The following B3GALNT2 variants were observed in gnomAD, a reference collection of about 807,000 sequenced individuals.
B3GALNT2 encodes the protein UDP-GalNAc:beta-1,3-N-acetylgalactosaminyltransferase 2.
B3GALNT2 carries 53 observed loss-of-function variants against 61.1 expected under a neutral mutation model. The observed-to-expected ratio is 0.87, with a 90% CI of 0.70 to 1.09. The LOEUF (loss-of-function observed/expected upper bound fraction) is 1.09, where lower values mean the gene tolerates loss of function less well. Ranked by LOEUF, B3GALNT2 falls within the 50% of genes least tolerant of loss-of-function variation. The probability of loss-of-function intolerance (pLI) is 0.00; values close to 1 mark genes in which losing one functional copy is unlikely to be tolerated. For missense variants in B3GALNT2, 544 were observed against 623.0 expected (o/e 0.87, Z 1.35); for synonymous variants, 223 against 237.4 (o/e 0.94, Z 0.56).
intron 1 of B3GALNT2, among the ~76,000 whole-genome samples, chr1:235,501,360 T>G (rs1297076112): frequency 6.6e-6 from 1 of 152,218 alleles, no homozygotes; most frequent in African/African-American, 2.4e-5. Context: ...CTAAGGTGAC[T>G]CACTTACTTC....
chr1:235,454,493 TA>T (rs1379193595), intron 9 of B3GALNT2, among the ~76,000 whole-genome samples, 178 bp from the exon 10 acceptor site: 2 of 152,120 alleles, frequency 1.3e-5, no homozygotes, highest in Non-Finnish European at 2.9e-5. Context: ...GGCTGGAGTG[TA>T]GTGGTGCCAT....
At chr1:235,442,078 G>A in the B3GALNT2 span, among the ~76,000 whole-genome samples, 1 of 151,306 alleles carries the variant, frequency 6.6e-6, no homozygotes, top group South Asian at 2.1e-4. Context: ...TGTGATCTCA[G>A]CTCATTGCAA....
At chr1:235,498,207 C>CAA (rs1685416316) in intron 1 of B3GALNT2, among the ~76,000 whole-genome samples, 1 of 152,174 alleles carries the variant, frequency 6.6e-6, no homozygotes. Context: ...GAATGTTGCT[C>CAA]AAATTTCTAG....
downstream of B3GALNT2, among the ~76,000 whole-genome samples, chr1:235,443,211 AT>A (rs1482405001): frequency 2.7e-5 from 4 of 147,476 alleles, no homozygotes; most frequent in African/African-American, 9.9e-5. Flanking sequence ...CACACACACA[AT>A]TTTTTTTGAG....
At chr1:235,492,751 C>G (rs147212230) in intron 2 of B3GALNT2, among the ~76,000 whole-genome samples, 2 of 152,270 alleles carry the variant, frequency 1.3e-5, no homozygotes, top group Non-Finnish European at 2.9e-5. Context: ...GGGTGGGCTG[C>G]TATTTACTAT....
rs1028654015 is a variant in B3GALNT2, at chr1:235,449,657, C to T, written c.*549G>A. On this transcript the variant is annotated 3_prime_UTR_variant, in exon 12 of 12. Transcript: ENST00000366600. Reference sequence around the variant, plus strand: ...TCTTCAAGTTAGTTCAAGTTGCCCACTTCAGAGATCCACAAAATCTGACAT... The same window carrying T: ...TCTTCAAGTTAGTTCAAGTTGCCCATTTCAGAGATCCACAAAATCTGACAT... 1 of 152,638 alleles carries T rather than the reference C, an allele frequency of 6.6e-6. No homozygotes were observed. The highest frequency in any genetic ancestry group is 1.5e-5 in the Non-Finnish European group (1 of 68,388). 9.5% of individuals were successfully genotyped at this position (152,638 alleles called of 1,614,324 possible).
At chr1:235,480,583 A>G (rs1684511820) in intron 4 of B3GALNT2, among the ~76,000 whole-genome samples, 1 of 152,090 alleles carries the variant, frequency 6.6e-6, no homozygotes, top group African/African-American at 2.4e-5. Flanking sequence ...TCAGAAGAAA[A>G]TATAAACAAA....
At chr1:235,480,011 A>C in intron 5 of B3GALNT2, 43 bp downstream of exon 5, 2 of 1,609,646 alleles carry the variant, frequency 1.2e-6, no homozygotes, top group Non-Finnish European at 1.7e-6. Context: ...CACTCCTATG[A>C]AGGACTGCAT....
At chr1:235,486,967 G>C (rs1311095440) in intron 3 of B3GALNT2, among the ~76,000 whole-genome samples, 2 of 152,056 alleles carry the variant, frequency 1.3e-5, no homozygotes, top group African/African-American at 4.8e-5. Flanking sequence ...TCAGGAGTTT[G>C]AGACTAGCCT....
chr1:235,471,056 C>T lies in B3GALNT2; in HGVS notation c.652-96G>A. The T allele has an allele frequency of 1.9e-6, 3 of 1,541,596 alleles. No homozygotes were observed. In the South Asian group the frequency reaches 3.7e-5, roughly 19 times the overall value. ...GCAAGATTTTTAGAGAAAATTTTTC[C>T]CAAAACGTATCATTTAAAATTTTCA... is the stretch of plus-strand genomic sequence containing the variant. On this transcript the variant is annotated intron_variant, in intron 5 of 11. Coordinates refer to ENST00000366600, the MANE Select transcript of B3GALNT2 (RefSeq NM_152490.5).
chr1:235,445,460 C>T (rs1376624916), downstream of B3GALNT2, among the ~76,000 whole-genome samples: 2 of 152,070 alleles, frequency 1.3e-5, no homozygotes, highest in Non-Finnish European at 2.9e-5. Flanking sequence ...GAAACCCCGT[C>T]TCTACAAAAA....
chr1:235,458,488 CAG>C, intron 8 of B3GALNT2, 113 bp downstream of exon 8: 1 of 1,358,724 alleles, frequency 7.4e-7, no homozygotes, highest in South Asian at 1.8e-5. Context: ...AGTTCAAGAC[CAG>C]CCTAGGAAAC....
intron 5 of B3GALNT2, among the ~76,000 whole-genome samples, chr1:235,474,976 TATA>T (rs1245804433): frequency 1.3e-3 from 43 of 32,286 alleles, no homozygotes; most frequent in Admixed American, 4.0e-3. Context: ...TATATATATA[TATA>T]TATATATATT....
In B3GALNT2 at chr1:235,450,039, T is replaced by C. The variant is rs903583114; in HGVS notation, c.*167A>G. On this transcript the variant is annotated 3_prime_UTR_variant, in exon 12 of 12. Coordinates refer to ENST00000366600, the MANE Select transcript of B3GALNT2 (RefSeq NM_152490.5). ...CAGTACAAGTTGATTTTTAAGGAAA[T>C]TTGTGCAAACATTAAGAAACACCGC... 19 of 715,850 alleles carry C rather than the reference T, an allele frequency of 2.7e-5. No individual in the cohort carries two copies. The South Asian group carries it at 5.4e-4, about 20-fold the overall frequency. 44.3% of individuals were successfully genotyped at this position (715,850 alleles called of 1,614,324 possible).
At chr1:235,481,339 C>T (rs937028357) in intron 4 of B3GALNT2, among the ~76,000 whole-genome samples, 2 of 152,152 alleles carry the variant, frequency 1.3e-5, no homozygotes, top group Admixed American at 6.6e-5. Context: ...AACTCGCACA[C>T]TATAAATAGT....
At chr1:235,484,573 T>C in intron 3 of B3GALNT2, 58 bp from the exon 4 acceptor site, 1 of 1,521,598 alleles carries the variant, frequency 6.6e-7, no homozygotes. Context: ...GTTTTACTAG[T>C]AAGAAGTAGT....
intron 10 of B3GALNT2, 52 bp from the exon 11 acceptor site, chr1:235,453,198 T>G: frequency 6.5e-7 from 1 of 1,527,714 alleles, no homozygotes; most frequent in Non-Finnish European, 9.1e-7. Flanking sequence ...CTATTTTATT[T>G]GTAAAGACAA....
chr1:235,482,073 C>G (rs1297919652), intron 4 of B3GALNT2, among the ~76,000 whole-genome samples: 1 of 152,144 alleles, frequency 6.6e-6, no homozygotes, highest in African/African-American at 2.4e-5. Flanking sequence ...AAAAACTGAA[C>G]AGAGTTCTGC....
chr1:235,474,968 TATA>T (rs1684180911), intron 5 of B3GALNT2, among the ~76,000 whole-genome samples: 5 of 28,868 alleles, frequency 1.7e-4, no homozygotes, highest in East Asian at 2.4e-3. Context: ...TATATATATA[TATA>T]TATATATATA....
Sources: gnomAD v4.1 joint callset for allele counts (sites outside exome capture counted in the v4.1 genomes callset) on GRCh38, gnomAD v4.1.1 for gene constraint, MANE v1.5 for transcripts, NCBI Gene and HGNC (gene_info 2026-07-23, HGNC 2026-07-21) for gene names.